Variants in FAM135B observed in about 807,000 individuals in gnomAD.
FAM135B encodes protein FAM135B.
A neutral mutation model predicts 127.7 loss-of-function variants in FAM135B; 43 were observed. That is an observed-to-expected ratio of 0.34 (90% CI 0.26 to 0.43). The LOEUF (loss-of-function observed/expected upper bound fraction) is 0.43, where lower values mean the gene tolerates loss of function less well. FAM135B is among the 20% of genes least tolerant of loss of function. FAM135B has a pLI of 1.00. For missense variants in FAM135B, 1,558 were observed against 1,725.6 expected (o/e 0.90, Z 1.72); for synonymous variants, 670 against 665.1 (o/e 1.01, Z -0.11).
intron 1 of FAM135B, among the ~76,000 whole-genome samples, chr8:138,384,376 T>G (rs1405029960): frequency 6.6e-6 from 1 of 151,756 alleles, no homozygotes; most frequent in Non-Finnish European, 1.5e-5. Context: ...ATTTATTTAT[T>G]TATTTATTTA....
intron 1 of FAM135B, among the ~76,000 whole-genome samples, chr8:138,485,748 G>A (rs1190632541): frequency 3.9e-5 from 6 of 152,088 alleles, no homozygotes; most frequent in South Asian, 2.1e-4. Flanking sequence ...TAAAAAAGAG[G>A]GCTAAAGAAC....
chr8:138,253,975 C>A (rs1014509906), intron 5 of FAM135B, among the ~76,000 whole-genome samples: 1 of 152,172 alleles, frequency 6.6e-6, no homozygotes, highest in South Asian at 2.1e-4. Flanking sequence ...TCTTATAGTT[C>A]ATGAAATCCC....
At position 138,173,048 on chromosome 8, in the gene FAM135B, C is replaced by T. The variant is rs369910706; in HGVS notation, c.1103+4299G>A. On this transcript the variant is annotated intron_variant, in intron 11 of 19. Transcript: ENST00000395297. ...CTTTCTAAATGACACTCTAGGGGAG[C>T]GGGCTTTGCTTGGAAACCAGTTGTT... Among the ~76,000 whole-genome samples, 7 of 152,120 alleles carry T rather than the reference C, an allele frequency of 4.6e-5. 1 individual carries two copies. The highest frequency in any genetic ancestry group is 8.8e-5 in the Non-Finnish European group (6 of 68,044).
chr8:138,369,115 G>T (rs1405537425), intron 1 of FAM135B, among the ~76,000 whole-genome samples: 1 of 152,104 alleles, frequency 6.6e-6, no homozygotes, highest in African/African-American at 2.4e-5. Context: ...AAACAACAGG[G>T]ATAATGCAAG....
chr8:138,435,806 C>G (rs901336284), intron 1 of FAM135B, among the ~76,000 whole-genome samples: 1 of 152,132 alleles, frequency 6.6e-6, no homozygotes, highest in Non-Finnish European at 1.5e-5. Flanking sequence ...TATCCTATCA[C>G]CCCTTTGTTT....
intron 7 of FAM135B, among the ~76,000 whole-genome samples, chr8:138,237,249 C>G (rs1190466376): frequency 6.6e-6 from 1 of 151,428 alleles, no homozygotes; most frequent in Non-Finnish European, 1.5e-5. Context: ...CAACCTCCGC[C>G]TCCAGGGTTC....
chr8:138,463,489 C>T (rs969021106), intron 1 of FAM135B, among the ~76,000 whole-genome samples: 9 of 152,260 alleles, frequency 5.9e-5, no homozygotes, highest in Admixed American at 5.2e-4. Context: ...CAGGAAGAGC[C>T]TGGAATCCCA....
rs543777359 is a variant in FAM135B, at chr8:138,394,698, C to T, written c.-19-26696G>A. ...AGTCCTCTGCATGAGTTCTCTCGAC[C>T]CCACAACAGGCCTGTGTGAGTTTGT... On this transcript the variant is annotated intron_variant, in intron 1 of 19. Coordinates refer to ENST00000395297, the MANE Select transcript of FAM135B (RefSeq NM_015912.4). Among the ~76,000 whole-genome samples the T allele has an allele frequency of 9.4e-5, 14 of 149,264 alleles. No homozygotes were observed. The East Asian group carries it at 1.9e-3, about 21-fold the overall frequency.
intron 1 of FAM135B, among the ~76,000 whole-genome samples, chr8:138,456,993 A>T (rs1261487324): frequency 6.6e-6 from 1 of 150,930 alleles, no homozygotes; most frequent in African/African-American, 2.4e-5. Flanking sequence ...AACTGGGACA[A>T]CAAAGAAGAT....
At chr8:138,411,894 C>T (rs1481165103) in intron 1 of FAM135B, among the ~76,000 whole-genome samples, 3 of 152,104 alleles carry the variant, frequency 2.0e-5, no homozygotes, top group Non-Finnish European at 4.4e-5. Flanking sequence ...CATAAAGAAA[C>T]AAAATCATGT....
chr8:138,148,825 G>C, intron 13 of FAM135B, 139 bp from the exon 14 acceptor site: 5 of 588,434 alleles, frequency 8.5e-6, no homozygotes, highest in Non-Finnish European at 1.5e-5. Context: ...TGAGCCCCCA[G>C]GGAACATGCT....
intron 7 of FAM135B, among the ~76,000 whole-genome samples, chr8:138,224,321 G>A (rs1354296149): frequency 6.6e-6 from 1 of 152,208 alleles, no homozygotes; most frequent in Non-Finnish European, 1.5e-5. Flanking sequence ...AGCTGAGATG[G>A]AACAATGCAG....
chr8:138,372,270 C>T (rs1831179082), intron 1 of FAM135B, among the ~76,000 whole-genome samples: 3 of 152,214 alleles, frequency 2.0e-5, no homozygotes, highest in Admixed American at 2.0e-4. Flanking sequence ...TAGTTACTGC[C>T]TGGTCCTCAC....
chr8:138,361,092 A>AT (rs982375399), intron 2 of FAM135B, among the ~76,000 whole-genome samples: 2 of 151,858 alleles, frequency 1.3e-5, no homozygotes, highest in Non-Finnish European at 2.9e-5. Flanking sequence ...TGTCCAGCTA[A>AT]TTTTTTTGTA....
intron 2 of FAM135B, among the ~76,000 whole-genome samples, chr8:138,361,527 T>C (rs1454276432): frequency 6.6e-6 from 1 of 152,174 alleles, no homozygotes; most frequent in African/African-American, 2.4e-5. Flanking sequence ...GAAGCTCACA[T>C]TGACAGAGAA....
At chr8:138,438,447 A>T (rs1195000002) in intron 1 of FAM135B, 1 of 152,208 alleles carries the variant, frequency 6.6e-6, no homozygotes, top group African/African-American at 2.4e-5. Context: ...TTGCTGCTAC[A>T]TCTACAAATC....
chr8:138,157,673 A>T (rs56109047), intron 12 of FAM135B, among the ~76,000 whole-genome samples: 23,962 of 152,214 alleles, frequency 0.16, 2,292 homozygotes, highest in African/African-American at 0.26. Flanking sequence ...AGAGAGCCAA[A>T]TCATGAGTGA....
intron 3 of FAM135B, among the ~76,000 whole-genome samples, chr8:138,284,429 C>T (rs762324504): frequency 2.0e-5 from 3 of 152,046 alleles, no homozygotes; most frequent in Non-Finnish European, 4.4e-5. Context: ...AAGTTGCTCC[C>T]GGCCCGAAGC....
At chr8:138,399,177 T>C (rs192349820) in intron 1 of FAM135B, among the ~76,000 whole-genome samples, 66 of 152,312 alleles carry the variant, frequency 4.3e-4, no homozygotes, top group Admixed American at 9.2e-4. Flanking sequence ...TCTAGTGTCC[T>C]AGCTTCCTAG....
Sources: gnomAD v4.1 joint callset for allele counts (sites outside exome capture counted in the v4.1 genomes callset) on GRCh38, gnomAD v4.1.1 for gene constraint, MANE v1.5 for transcripts, NCBI Gene and HGNC (gene_info 2026-07-23, HGNC 2026-07-21) for gene names.